Variants in KCNA4 observed in about 807,000 individuals in gnomAD.
The protein encoded by KCNA4 is potassium voltage-gated channel subfamily A member 4.
Under a neutral mutation model 37.2 loss-of-function variants are expected in KCNA4, and 5 were observed. The ratio of observed to expected loss-of-function variants is 0.13; its 90% CI spans 0.07 to 0.28. The LOEUF is 0.28. KCNA4 is among the 10% of genes least tolerant of loss of function. The pLI is 1.00. For missense variants in KCNA4, 634 were observed against 817.4 expected (o/e 0.78, Z 2.74); for synonymous variants, 350 against 311.8 (o/e 1.12, Z -1.29).
chr11:30,013,684 A>C lies in KCNA4; in HGVS notation c.-782-224T>G, dbSNP rs370651255. Reference sequence around the variant, plus strand: ...TATTATTTCAGCTCAGTTTATTTTTATGGTAACTCAATTATTTTTCCTCTC... The same window carrying C: ...TATTATTTCAGCTCAGTTTATTTTTCTGGTAACTCAATTATTTTTCCTCTC... On this transcript the variant is annotated intron_variant, in intron 1 of 1. Transcript: ENST00000328224. 9.2e-5 allele frequency among the ~76,000 whole-genome samples: 14 copies of C among 152,218 alleles called. No homozygotes were observed. The South Asian group carries it at 2.5e-3, about 27-fold the overall frequency.
chr11:30,011,812 A>C lies in KCNA4; in HGVS notation c.867T>G (p.Phe289Leu), dbSNP rs1850306274. ...CAAAGAGGAGCCAAATCTGCTTTTT[A>C]AATTCATTCTCGGGGAGGGCCCTGT... is the stretch of plus-strand genomic sequence containing the variant. ...EEDRALPENEFKKQIWLLFEY... is the reference protein window; with the variant it reads ...EEDRALPENELKKQIWLLFEY... Residue 289 changes from phenylalanine (F) to leucine (L), a missense_variant, in exon 2 of 2, where the codon TTT becomes TTG. Phe to Leu is a conservative substitution (Grantham distance 22, BLOSUM62 0). This residue lies in a region of KCNA4 where 252 missense variants were observed against 344.2 expected (regional missense o/e 0.73). Transcript: ENST00000328224. This position sits in a 1 kb window ranked among gnomAD's most constrained non-coding sequence, Gnocchi z 5.6. 6.2e-7 allele frequency: 1 copy of C among 1,613,896 alleles called. No homozygotes were observed. The highest frequency in any genetic ancestry group is 8.5e-7 in the Non-Finnish European group (1 of 1,179,978).
rs1220946531 is a variant in KCNA4, at chr11:30,011,887, C to T, written c.792G>A (p.Glu264=). 3 of 1,614,080 alleles carry T rather than the reference C, an allele frequency of 1.9e-6. No homozygotes were observed. The highest frequency in any genetic ancestry group is 1.1e-5 in the South Asian group (1 of 91,070). The part of the protein sequence containing the change: ...EEVKFYQLGE[E]ALLKFREDEG... The stretch of plus-strand genomic sequence containing the variant: ...CGTCCTCCCGAAACTTCAACAGGGC[C>T]TCCTCCCCCAACTGATAGAACTTCA... The change falls in exon 2 of 2, where the codon GAG becomes GAA. Residue 264 remains glutamate, a synonymous_variant. Transcript: ENST00000328224. The surrounding 1 kb of genome is among the most constrained non-coding windows in gnomAD (Gnocchi z 5.6).
intron 1 of KCNA4, among the ~76,000 whole-genome samples, chr11:30,014,643 G>A (rs185102460): frequency 6.6e-5 from 10 of 151,364 alleles, no homozygotes; most frequent in Admixed American, 1.3e-4. Flanking sequence ...TTGCAGCTCC[G>A]ATCTGCTCCC....
At position 30,012,806 on chromosome 11, in the gene KCNA4, A is replaced by C; in HGVS notation, c.-128T>G. 7.4e-7 allele frequency: 1 copy of C among 1,356,690 alleles called. No homozygotes were observed. The highest frequency in any genetic ancestry group is 9.8e-7 in the Non-Finnish European group (1 of 1,018,582). The allele number at this position is 1,356,690 out of a possible 1,614,324, so 84.0% of individuals were successfully genotyped here. ...AAGCAGATTGCTTGGAAGACTAAGGATATTTTCAGTCCAACTTTGCATTTT... is the reference window on the plus strand; with the variant it reads ...AAGCAGATTGCTTGGAAGACTAAGGCTATTTTCAGTCCAACTTTGCATTTT... On this transcript the variant is annotated 5_prime_UTR_variant, in exon 2 of 2. Transcript: ENST00000328224.
In KCNA4 at chr11:30,012,181, G is replaced by A; in HGVS notation, c.498C>T (p.Tyr166=). The A allele has an allele frequency of 6.2e-7, 1 of 1,614,158 alleles. No homozygotes were observed. Residue 166 remains tyrosine (Y), a synonymous_variant, in exon 2 of 2, where the codon TAC becomes TAT. Transcript: ENST00000328224. Reference sequence around the variant, plus strand: ...AACAGTCACTGTAGCGGACTGAACTGTAGCCGCCACCGCCCTCATCCTGAG... The same window carrying A: ...AACAGTCACTGTAGCGGACTGAACTATAGCCGCCACCGCCCTCATCCTGAG... ...LLPQDEGGGG[Y]SSVRYSDCCE...
rs1259360159 is a variant in KCNA4 at position 30,012,736 on chromosome 11, G to A, written c.-58C>T. On this transcript the variant is annotated 5_prime_UTR_variant, in exon 2 of 2. Coordinates refer to ENST00000328224, the MANE Select transcript of KCNA4 (RefSeq NM_002233.4). ...TGTAGAAGAAGAAGAAAGAAAAATA[G>A]GGCAGCTTCTTTTCTCACCAAATTA... The A allele has an allele frequency of 2.0e-6, 3 of 1,506,092 alleles. No individual in the cohort carries two copies. The highest frequency in any genetic ancestry group is 2.7e-6 in the Non-Finnish European group (3 of 1,127,032). 93.3% of individuals were successfully genotyped at this position (1,506,092 alleles called of 1,614,324 possible). A position where few individuals can be genotyped will look rare whatever the true frequency, so the allele number is the denominator to read the frequency against.
rs1254944226 is a variant in KCNA4, at chr11:30,011,397, C to A, written c.1282G>T (p.Gly428Trp). The change falls in exon 2 of 2, where the codon GGG becomes TGG. Residue 428 changes from glycine (G) to tryptophan (W), a missense_variant. Physicochemically the swap from Gly to Trp is radical, Grantham distance 184. Around this residue, in one of 8 missense-constraint regions of KCNA4, gnomAD observed 252 missense variants for 344.2 expected, o/e 0.73. Coordinates refer to ENST00000328224, the MANE Select transcript of KCNA4 (RefSeq NM_002233.4). This position sits in a 1 kb window ranked among gnomAD's most constrained non-coding sequence, Gnocchi z 5.6. ...TGCTGCTGCTGACCATTGCCACCCC[C>A]CTGTTGCTGGGCCAGGTCAGTGCCC... is the stretch of plus-strand genomic sequence containing the variant. ...TLGTDLAQQQ[G>W]GGNGQQQQAM... is the part of the protein sequence containing the mutation. The A allele has an allele frequency of 1.2e-6, 2 of 1,614,100 alleles. No individual in the cohort carries two copies. Among genetic ancestry groups the A allele is most frequent in the Non-Finnish European group, 1.7e-6 (2 of 1,180,020 alleles).
chr11:30,011,184 C>A lies in KCNA4; in HGVS notation c.1495G>T (p.Ala499Ser). 5 of 1,614,112 alleles carry A rather than the reference C, an allele frequency of 3.1e-6. No individual in the cohort carries two copies. The highest frequency in any genetic ancestry group is 4.2e-6 in the Non-Finnish European group (5 of 1,180,028). ...TGGGTAGTAGGTTCATCCGCCTCTG[C>A]AAAATACACAGCACTAGAAAAGAGG... ...VILFSSAVYF[A>S]EADEPTTHFQ... Residue 499 changes from alanine to serine, a missense_variant, in exon 2 of 2, where the codon GCA (alanine) becomes TCA (serine). By Grantham distance (99) the Ala-to-Ser change is moderately conservative (BLOSUM62 1). Coordinates refer to ENST00000328224, the MANE Select transcript of KCNA4 (RefSeq NM_002233.4). This position sits in a 1 kb window ranked among gnomAD's most constrained non-coding sequence, Gnocchi z 5.6.
rs773413152 is a variant in KCNA4, at chr11:30,010,794, A to T, written c.1885T>A (p.Cys629Ser). Residue 629 changes from cysteine (C) to serine (S), a missense_variant, in exon 2 of 2, where the codon TGT becomes AGT. By Grantham distance (112) the Cys-to-Ser change is moderately radical (BLOSUM62 -1). This residue lies in a region of KCNA4 where 91 missense variants were observed against 95.8 expected (regional missense o/e 0.95). Coordinates refer to ENST00000328224, the MANE Select transcript of KCNA4 (RefSeq NM_002233.4). ...TCACTGTCATCCCCCTTTCCCTGAC[A>T]CTTCTCCTCCTTTGCACACAGAGAT... ...KESLCAKEEK[C>S]QGKGDDSETD... 1 of 1,614,134 alleles carries T rather than the reference A, an allele frequency of 6.2e-7. No homozygotes were observed. Among genetic ancestry groups the T allele is most frequent in the Non-Finnish European group, 8.5e-7 (1 of 1,180,022 alleles).
chr11:30,014,495 T>C (rs1341939276), intron 1 of KCNA4, among the ~76,000 whole-genome samples: 1 of 152,206 alleles, frequency 6.6e-6, no homozygotes, highest in Non-Finnish European at 1.5e-5. Flanking sequence ...AATGTCAGTT[T>C]CTGTGGACTT....
chr11:30,012,261 A>G lies in KCNA4; in HGVS notation c.418T>C (p.Phe140Leu). 1 of 1,613,528 alleles carries G rather than the reference A, an allele frequency of 6.2e-7. No homozygotes were observed. The highest frequency in any genetic ancestry group is 8.5e-7 in the Non-Finnish European group (1 of 1,179,876). ...CCATGGTCATCTTCACTATAGTAAA[A>G]CCTTCCCTCCTCTTCCTCCTCTTCC... ...EEEEEEEEGR[F>L]YYSEDDHGDE... The change falls in exon 2 of 2, where the codon TTT (phenylalanine) becomes CTT (leucine). Residue 140 changes from phenylalanine (F) to leucine (L), a missense_variant. Transcript: ENST00000328224.
At position 30,012,601 on chromosome 11, in the gene KCNA4, C is replaced by A. The variant is rs1263895128; in HGVS notation, c.78G>T (p.Arg26=). 1 of 1,608,094 alleles carries A rather than the reference C, an allele frequency of 6.2e-7. No individual in the cohort carries two copies. The highest frequency in any genetic ancestry group is 1.1e-5 in the South Asian group (1 of 90,984). ...HMPYGYAAQA[R]ARERERLAHS... is the part of the protein sequence containing the mutation. ...GAGCAAGCCTCTCCCGCTCCCGGGC[C>A]CGGGCCTGGGCAGCATAACCATAAG... The change falls in exon 2 of 2, where the codon CGG becomes CGT. Residue 26 remains arginine (R), a synonymous_variant. Transcript: ENST00000328224.
Position 30,013,907 on chromosome 11 carries a change from T to C in KCNA4, c.-782-447A>G, listed in dbSNP as rs566543667. On this transcript the variant is annotated intron_variant, in intron 1 of 1. Transcript: ENST00000328224. ...TCTGAATTAAGTGCCCTTCTACTCC[T>C]CTCTATCTTGACTCAGCACTGGGGA... Among the ~76,000 whole-genome samples the C allele has an allele frequency of 3.3e-5, 5 of 152,230 alleles. No individual in the cohort carries two copies. The East Asian group carries it at 9.6e-4, about 29-fold the overall frequency.
rs534883274 is a variant in KCNA4 at position 30,011,170 on chromosome 11, T to A, written c.1509A>T (p.Glu503Asp). Residue 503 changes from glutamate to aspartate, a missense_variant, in exon 2 of 2, where the codon GAA becomes GAT. This residue lies in a region of KCNA4 where 17 missense variants were observed against 16.3 expected (regional missense o/e 1.04). Coordinates refer to ENST00000328224, the MANE Select transcript of KCNA4 (RefSeq NM_002233.4). The surrounding 1 kb of genome is among the most constrained non-coding windows in gnomAD (Gnocchi z 5.6). The stretch of plus-strand genomic sequence containing the variant: ...GGATGCTTTGGAAATGGGTAGTAGG[T>A]TCATCCGCCTCTGCAAAATACACAG... ...SSAVYFAEAD[E>D]PTTHFQSIPD... is the part of the protein sequence containing the mutation. The A allele has an allele frequency of 7.1e-5, 114 of 1,614,110 alleles. No homozygotes were observed. In the South Asian group the frequency reaches 1.2e-3, roughly 17 times the overall value.
chr11:30,013,543 A>G (rs1433149589), intron 1 of KCNA4, 83 bp from the exon 2 acceptor site: 1 of 154,850 alleles, frequency 6.5e-6, no homozygotes, highest in Non-Finnish European at 1.5e-5. Context: ...TTCTCTTCAC[A>G]TACACATCCT....
chr11:30,016,017 G>A (rs1447160518), intron 1 of KCNA4, among the ~76,000 whole-genome samples: 2 of 151,960 alleles, frequency 1.3e-5, no homozygotes, highest in African/African-American at 4.8e-5. Flanking sequence ...GAGAGAGAGA[G>A]AGAAAGAGAG....
intron 1 of KCNA4, chr11:30,016,206 C>T (rs1413983183): frequency 6.6e-6 from 1 of 151,998 alleles, no homozygotes; most frequent in Non-Finnish European, 1.5e-5. Context: ...AGAAGGGAAC[C>T]GGTGCGGCTG....
chr11:30,012,007 G>A lies in KCNA4; in HGVS notation c.672C>T (p.Asn224=), dbSNP rs1248784624. Residue 224 remains asparagine (N), a synonymous_variant, in exon 2 of 2, where the codon AAC becomes AAT. Transcript: ENST00000328224. ...PLRNEYFFDR[N]RPSFDAILYY... ...ACAAGATGGCATCAAAGCTGGGGCG[G>A]TTCCTGTCAAAAAAATACTCATTGC... The A allele has an allele frequency of 6.2e-7, 1 of 1,614,072 alleles. No individual in the cohort carries two copies. The highest frequency in any genetic ancestry group is 1.3e-5 in the African/African-American group (1 of 75,008).
chr11:30,013,945 A>T (rs901461968), intron 1 of KCNA4, among the ~76,000 whole-genome samples: 1 of 152,174 alleles, frequency 6.6e-6, no homozygotes, highest in Non-Finnish European at 1.5e-5. Flanking sequence ...TCAGAAAAAA[A>T]AATAATAATA....
Sources: gnomAD v4.1 joint callset for allele counts (sites outside exome capture counted in the v4.1 genomes callset) on GRCh38, gnomAD v4.1.1 for gene constraint, gnomAD v4.1.1 regional missense constraint, Gnocchi (gnomAD v3.1) non-coding constraint, MANE v1.5 for transcripts, NCBI Gene and HGNC (gene_info 2026-07-23, HGNC 2026-07-21) for gene names.